PEBP4: variants seen among roughly 807,000 people sequenced by gnomAD.
PEBP4 encodes phosphatidylethanolamine binding protein 4, also known as phosphatidylethanolamine-binding protein 4.
In PEBP4, 22 loss-of-function variants were observed where a neutral mutation model predicts 23.9. The ratio of observed to expected loss-of-function variants is 0.92; its 90% CI spans 0.66 to 1.31. PEBP4 has a LOEUF of 1.31. Ranked by LOEUF, PEBP4 falls within the 40% of genes most tolerant of loss-of-function variation. The pLI, the probability that PEBP4 is intolerant of heterozygous loss-of-function variation, is 0.00. For synonymous variants in PEBP4, 112 were observed against 99.3 expected, an observed-to-expected ratio of 1.13 and a Z score of -0.76; for missense variants, 324 against 281.7, an observed-to-expected ratio of 1.15 and a Z score of -1.07.
At chr8:22,810,387 G>T (rs1806592872) in intron 4 of PEBP4, among the ~76,000 whole-genome samples, 1 of 152,144 alleles carries the variant, frequency 6.6e-6, no homozygotes, top group Non-Finnish European at 1.5e-5. Flanking sequence ...GGATCACCAT[G>T]CTTCAAAGAT....
intron 4 of PEBP4, among the ~76,000 whole-genome samples, chr8:22,765,294 C>T (rs1339627958): frequency 1.3e-5 from 2 of 152,112 alleles, no homozygotes; most frequent in East Asian, 3.9e-4. Context: ...CAGGTATGTG[C>T]CACCACACCC....
rs546780827 is a variant in PEBP4, at chr8:22,787,380, T to C, written c.357+30257A>G. Reference sequence around the variant, plus strand: ...AGAGGGCAAGAATTACACTGAGTCTTAAAATCTCAAACTGAGCTAGCCTTG... The same window carrying C: ...AGAGGGCAAGAATTACACTGAGTCTCAAAATCTCAAACTGAGCTAGCCTTG... On this transcript the variant is annotated intron_variant, in intron 4 of 6. Coordinates refer to ENST00000256404, the MANE Select transcript of PEBP4 (RefSeq NM_144962.3). Among the ~76,000 whole-genome samples, 47 of 151,980 alleles carry C rather than the reference T, an allele frequency of 3.1e-4. 2 individuals carry two copies. The South Asian group carries it at 4.4e-3, about 14-fold the overall frequency.
intron 3 of PEBP4, among the ~76,000 whole-genome samples, chr8:22,910,973 C>T (rs1300645802): frequency 3.3e-5 from 5 of 151,680 alleles, no homozygotes; most frequent in South Asian, 4.2e-4. Flanking sequence ...AGCGTAGGTT[C>T]GTTGAGTAGA....
intron 4 of PEBP4, among the ~76,000 whole-genome samples, chr8:22,727,904 G>A (rs561336578): frequency 6.6e-6 from 1 of 152,198 alleles, no homozygotes; most frequent in East Asian, 1.9e-4. Context: ...GGGATAATGA[G>A]GTGACCCCGG....
At chr8:22,793,835 T>C (rs1806189595) in intron 4 of PEBP4, among the ~76,000 whole-genome samples, 3 of 152,234 alleles carry the variant, frequency 2.0e-5, no homozygotes, top group African/African-American at 7.2e-5. Context: ...CTGAAAGCTA[T>C]ATACATTTTA....
chr8:22,797,896 G>T (rs1806299031), intron 4 of PEBP4, among the ~76,000 whole-genome samples: 1 of 152,192 alleles, frequency 6.6e-6, no homozygotes, highest in Non-Finnish European at 1.5e-5. Flanking sequence ...AACATCAATA[G>T]CAATGCTCTG....
chr8:22,862,967 A>C (rs2128768987), intron 3 of PEBP4, among the ~76,000 whole-genome samples: 1 of 151,910 alleles, frequency 6.6e-6, no homozygotes, highest in African/African-American at 2.4e-5. Flanking sequence ...CGCCTGGATG[A>C]TTTTTTTGTA....
At chr8:22,722,048 C>T (rs1008803864) in intron 6 of PEBP4, among the ~76,000 whole-genome samples, 1 of 152,162 alleles carries the variant, frequency 6.6e-6, no homozygotes, top group African/African-American at 2.4e-5. Context: ...TTCGTCGTCT[C>T]CAAAGAGTGA....
At chr8:22,806,502 C>A (rs943808887) in intron 4 of PEBP4, among the ~76,000 whole-genome samples, 4 of 151,448 alleles carry the variant, frequency 2.6e-5, no homozygotes, top group Non-Finnish European at 5.9e-5. Context: ...GTAATCCCAG[C>A]TACTCAGGAG....
At chr8:22,817,806 C>T in intron 3 of PEBP4, 71 bp from the exon 4 acceptor site, 17 of 1,368,668 alleles carry the variant, frequency 1.2e-5, no homozygotes, top group Admixed American at 1.8e-5. Context: ...GGCAGACCTC[C>T]TTTTCCCGCC....
At chr8:22,913,735 G>A (rs1236090096) in intron 3 of PEBP4, among the ~76,000 whole-genome samples, 1 of 152,200 alleles carries the variant, frequency 6.6e-6, no homozygotes, top group Non-Finnish European at 1.5e-5. Context: ...CTTGGAATGA[G>A]CATTTCCAGT....
rs376993610 is a variant in PEBP4 at position 22,893,005 on chromosome 8, T to C, written c.258+27179A>G. Among the ~76,000 whole-genome samples the C allele has an allele frequency of 1.6e-4, 24 of 152,218 alleles. No homozygotes were observed. The South Asian group carries it at 5.0e-3, about 32-fold the overall frequency. ...AGGCAGCTGTGCGGGGAGAGAACTG[T>C]GGAAATTGCAGAAGGTCCTCTTTGA... On this transcript the variant is annotated intron_variant, in intron 3 of 6. Transcript: ENST00000256404.
intron 3 of PEBP4, among the ~76,000 whole-genome samples, chr8:22,851,836 G>A (rs118159051): frequency 2.6e-5 from 4 of 152,230 alleles, no homozygotes; most frequent in Non-Finnish European, 5.9e-5. Flanking sequence ...ATTGAGTTAA[G>A]TGGAAAATGG....
chr8:22,789,632 G>C (rs143114402), intron 4 of PEBP4, among the ~76,000 whole-genome samples: 1 of 152,170 alleles, frequency 6.6e-6, no homozygotes, highest in African/African-American at 2.4e-5. Context: ...CTGGGGCAAC[G>C]TCTGCAGCAG....
chr8:22,796,355 C>T (rs1806260224), intron 4 of PEBP4, among the ~76,000 whole-genome samples: 1 of 151,964 alleles, frequency 6.6e-6, no homozygotes, highest in South Asian at 2.1e-4. Context: ...GGAATTTAAT[C>T]CTACCCTTCT....
At chr8:22,827,114 C>A (rs1806987321) in intron 3 of PEBP4, among the ~76,000 whole-genome samples, 1 of 152,086 alleles carries the variant, frequency 6.6e-6, no homozygotes, top group Non-Finnish European at 1.5e-5. Context: ...TGGAGCAGGG[C>A]ATGAGCAAGG....
chr8:22,823,535 A>G (rs1446381125), intron 3 of PEBP4, among the ~76,000 whole-genome samples: 1 of 151,768 alleles, frequency 6.6e-6, no homozygotes, highest in Non-Finnish European at 1.5e-5. Context: ...AAAACTTTAT[A>G]TATCTAACTA....
intron 4 of PEBP4, among the ~76,000 whole-genome samples, chr8:22,783,028 A>T (rs907224132): frequency 4.6e-5 from 7 of 152,164 alleles, no homozygotes; most frequent in African/African-American, 1.4e-4. Context: ...TCTCAGCCAG[A>T]GGGTACTGGC....
At chr8:22,854,422 G>A (rs541062629) in intron 3 of PEBP4, among the ~76,000 whole-genome samples, 62 of 152,270 alleles carry the variant, frequency 4.1e-4, no homozygotes, top group African/African-American at 1.4e-3. Context: ...GTATTATAGG[G>A]GGAATGATAA....
Sources: allele counts gnomAD v4.1 joint callset (sites outside exome capture counted in the v4.1 genomes callset), GRCh38; gene constraint gnomAD v4.1.1; transcripts MANE v1.5; gene names NCBI Gene and HGNC (gene_info 2026-07-23, HGNC 2026-07-21).